The following ADAM12 variants were observed in gnomAD, a reference collection of about 807,000 sequenced individuals.
ADAM12 encodes the protein disintegrin and metalloproteinase domain-containing protein 12.
In ADAM12, 70 loss-of-function variants were observed where a neutral mutation model predicts 106.4. The observed-to-expected ratio is 0.66, with a 90% CI of 0.54 to 0.80. The LOEUF is 0.80. Ranked by LOEUF, ADAM12 falls within the 30% of genes least tolerant of loss-of-function variation. The pLI is 0.00. For missense variants in ADAM12, 1,010 were observed against 1,171.9 expected, an observed-to-expected ratio of 0.86 and a Z score of 2.02; for synonymous variants, 420 against 433.5, an observed-to-expected ratio of 0.97 and a Z score of 0.39.
intron 2 of ADAM12, among the ~76,000 whole-genome samples, chr10:126,293,231 G>A (rs989244684): frequency 5.9e-5 from 9 of 152,234 alleles, no homozygotes; most frequent in Non-Finnish European, 1.2e-4. Flanking sequence ...TCTGGGAGGG[G>A]AGAAATACCA....
chr10:126,046,880 A>G (rs1481440861), intron 16 of ADAM12, among the ~76,000 whole-genome samples: 1 of 148,952 alleles, frequency 6.7e-6, no homozygotes, highest in Non-Finnish European at 1.5e-5. Flanking sequence ...CTGGATAGAC[A>G]TAGATGGAGA....
At chr10:126,136,472 G>A (rs1319941146) in intron 4 of ADAM12, among the ~76,000 whole-genome samples, 1 of 152,154 alleles carries the variant, frequency 6.6e-6, no homozygotes, top group African/African-American at 2.4e-5. Flanking sequence ...TGCAGAGAAA[G>A]GTACATGCAT....
intron 1 of ADAM12, among the ~76,000 whole-genome samples, chr10:126,342,969 T>C (rs984860439): frequency 7.9e-5 from 12 of 152,168 alleles, no homozygotes; most frequent in Admixed American, 1.3e-4. Context: ...GGTCCTGAAA[T>C]GTGACTGGTT....
At chr10:126,244,143 T>C (rs1328607408) in intron 3 of ADAM12, among the ~76,000 whole-genome samples, 1 of 152,200 alleles carries the variant, frequency 6.6e-6, no homozygotes, top group Admixed American at 6.5e-5. Flanking sequence ...AAATCTAAGA[T>C]ATCTAAACAA....
intron 8 of ADAM12, among the ~76,000 whole-genome samples, chr10:126,106,228 G>C (rs1326545715): frequency 6.6e-6 from 1 of 152,114 alleles, no homozygotes; most frequent in African/African-American, 2.4e-5. Context: ...CTGGGAGTTG[G>C]CAAGACTAGC....
chr10:126,141,159 A>C (rs2133690489), intron 4 of ADAM12, among the ~76,000 whole-genome samples: 1 of 152,342 alleles, frequency 6.6e-6, no homozygotes. Flanking sequence ...CTTGCACCCC[A>C]GGGCCCCCTG....
At chr10:126,300,393 C>T (rs1262434394) in intron 2 of ADAM12, among the ~76,000 whole-genome samples, 1 of 152,186 alleles carries the variant, frequency 6.6e-6, no homozygotes, top group Non-Finnish European at 1.5e-5. Flanking sequence ...AGCCAGACCA[C>T]TCTCCTTCCT....
chr10:126,066,871 A>T lies in ADAM12; in HGVS notation c.1324-65T>A. On this transcript the variant is annotated intron_variant, in intron 12 of 22. Transcript: ENST00000448723. This position sits in a 1 kb window ranked among gnomAD's most constrained non-coding sequence, Gnocchi z 5.1. ...GAGTATGCACTCACTGAATGCAAAC[A>T]TCACACCTTAAATGGCTGCAAAAAG... The T allele has an allele frequency of 6.8e-7, 1 of 1,461,154 alleles. No homozygotes were observed. The highest frequency in any genetic ancestry group is 9.5e-7 in the Non-Finnish European group (1 of 1,047,690). 90.5% of individuals were successfully genotyped at this position (1,461,154 alleles called of 1,614,324 possible).
At position 126,158,983 on chromosome 10, in the gene ADAM12, A is replaced by G. The variant is rs916649993; in HGVS notation, c.261-3678T>C. On this transcript the variant is annotated intron_variant, in intron 3 of 22. Coordinates refer to ENST00000448723, the MANE Select transcript of ADAM12 (RefSeq NM_001288973.2). ...GATGCACACAGCCTATTCTCTACTGAGCCAGAACCCATAGTGGCCTCAATA... is the reference window on the plus strand; with the variant it reads ...GATGCACACAGCCTATTCTCTACTGGGCCAGAACCCATAGTGGCCTCAATA... Among the ~76,000 whole-genome samples, 20 of 152,122 alleles carry G rather than the reference A, an allele frequency of 1.3e-4. 1 individual carries two copies. The highest frequency in any genetic ancestry group is 2.9e-5 in the Non-Finnish European group (2 of 68,018).
chr10:126,382,420 T>G (rs1393875811), intron 1 of ADAM12, among the ~76,000 whole-genome samples: 2 of 152,176 alleles, frequency 1.3e-5, no homozygotes, highest in African/African-American at 4.8e-5. Context: ...AGGATTAAGT[T>G]TAAACAATAC....
At chr10:126,157,032 T>TG (rs1180746481) in intron 3 of ADAM12, among the ~76,000 whole-genome samples, 22 of 151,350 alleles carry the variant, frequency 1.5e-4, no homozygotes, top group Admixed American at 5.3e-4. Flanking sequence ...TGTGTGTGTG[T>TG]GGGGGGGTGC....
At chr10:126,131,589 G>A (rs1956306248) in intron 5 of ADAM12, among the ~76,000 whole-genome samples, 1 of 152,118 alleles carries the variant, frequency 6.6e-6, no homozygotes, top group African/African-American at 2.4e-5. Context: ...CCTTATAAGG[G>A]ACACCAGAGC....
intron 3 of ADAM12, among the ~76,000 whole-genome samples, chr10:126,241,490 C>T (rs1373543480): frequency 2.0e-5 from 3 of 152,166 alleles, no homozygotes; most frequent in South Asian, 2.1e-4. Flanking sequence ...TCCTGACTTG[C>T]GCTCAAACTG....
At chr10:126,313,547 T>A (rs562306934) in intron 2 of ADAM12, among the ~76,000 whole-genome samples, 16 of 152,154 alleles carry the variant, frequency 1.1e-4, no homozygotes, top group Admixed American at 1.0e-3. Context: ...TATAAAAGGG[T>A]GGAAGAGAAT....
chr10:126,276,669 C>T (rs1959260448), intron 3 of ADAM12, among the ~76,000 whole-genome samples: 1 of 152,062 alleles, frequency 6.6e-6, no homozygotes, highest in Admixed American at 6.5e-5. Context: ...AAAATTATAG[C>T]ATATCATAGG....
intron 16 of ADAM12, among the ~76,000 whole-genome samples, chr10:126,046,717 C>T (rs555667920): frequency 1.2e-4 from 17 of 145,466 alleles, no homozygotes; most frequent in Middle Eastern, 3.6e-3. Context: ...GCAGGAGAAT[C>T]GCTTGAACCA....
At position 126,049,591 on chromosome 10, in the gene ADAM12, G is replaced by C. The variant is rs376021623; in HGVS notation, c.1688C>G (p.Ser563Trp). 1.9e-6 allele frequency: 3 copies of C among 1,614,068 alleles called. No individual in the cohort carries two copies. Among genetic ancestry groups the C allele is most frequent in the Non-Finnish European group, 2.5e-6 (3 of 1,180,046 alleles). The change falls in exon 15 of 23, where the codon TCG (serine) becomes TGG (tryptophan). Residue 563 changes from serine to tryptophan, a missense_variant. Ser to Trp is a radical substitution (Grantham distance 177). Around this residue, in one of 3 missense-constraint regions of ADAM12, gnomAD observed 615 missense variants for 708.5 expected, o/e 0.87. Coordinates refer to ENST00000448723, the MANE Select transcript of ADAM12 (RefSeq NM_001288973.2). This position sits in a 1 kb window ranked among gnomAD's most constrained non-coding sequence, Gnocchi z 4.4. ...CTCGCATTTGGCAAAGGAACTCTTCGAGACTTTGCCACAGTTGCCATAAGG... is the reference window on the plus strand; with the variant it reads ...CTCGCATTTGGCAAAGGAACTCTTCCAGACTTTGCCACAGTTGCCATAAGG... The part of the protein sequence containing the change: ...GDPYGNCGKV[S>W]KSSFAKCEMR...
chr10:126,018,991 C>T (rs912900359), intron 22 of ADAM12, among the ~76,000 whole-genome samples: 11 of 152,156 alleles, frequency 7.2e-5, no homozygotes, highest in Non-Finnish European at 1.5e-4. Context: ...TGTTCCTGCC[C>T]CAGTCTCATA....
chr10:126,045,998 G>C, intron 17 of ADAM12, 57 bp downstream of exon 17: 1 of 1,454,484 alleles, frequency 6.9e-7, no homozygotes, highest in Non-Finnish European at 9.7e-7. Flanking sequence ...ACAAATGAAT[G>C]TATTATTACT....
Sources: gnomAD v4.1 joint callset for allele counts (sites outside exome capture counted in the v4.1 genomes callset) on GRCh38, gnomAD v4.1.1 for gene constraint, gnomAD v4.1.1 regional missense constraint, Gnocchi (gnomAD v3.1) non-coding constraint, MANE v1.5 for transcripts, NCBI Gene and HGNC (gene_info 2026-07-23, HGNC 2026-07-21) for gene names.